BANK1: variants seen among roughly 807,000 people sequenced by gnomAD.
BANK1 encodes the protein B cell scaffold protein with ankyrin repeats 1.
BANK1 carries 95 observed loss-of-function variants against 94.5 expected under a neutral mutation model. That is an observed-to-expected ratio of 1.00 (90% CI 0.85 to 1.19). BANK1 has a LOEUF of 1.19. Ranked by LOEUF, BANK1 falls within the 50% of genes most tolerant of loss-of-function variation. BANK1 has a pLI of 0.00. For missense variants in BANK1, 987 were observed against 932.2 expected, an observed-to-expected ratio of 1.06 and a Z score of -0.77; for synonymous variants, 334 against 308.4, an observed-to-expected ratio of 1.08 and a Z score of -0.87.
At chr4:101,813,080 T>G (rs1007245256) in intron 1 of BANK1, among the ~76,000 whole-genome samples, 6 of 152,146 alleles carry the variant, frequency 3.9e-5, no homozygotes, top group Admixed American at 1.3e-4. Flanking sequence ...ATTGATATTA[T>G]TTTTTATAGT....
intron 11 of BANK1, among the ~76,000 whole-genome samples, chr4:102,050,635 T>A (rs2148959299): frequency 6.6e-6 from 1 of 152,322 alleles, no homozygotes; most frequent in East Asian, 1.9e-4. Flanking sequence ...CCATGCTTCC[T>A]GAAATATTCA....
chr4:101,827,799 C>G (rs1285143839), intron 1 of BANK1, among the ~76,000 whole-genome samples: 1 of 151,844 alleles, frequency 6.6e-6, no homozygotes, highest in Non-Finnish European at 1.5e-5. Flanking sequence ...AAATACTATT[C>G]CACACTTCTA....
intron 6 of BANK1, among the ~76,000 whole-genome samples, chr4:101,914,762 A>G (rs1237664026): frequency 6.6e-6 from 1 of 152,124 alleles, no homozygotes; most frequent in Non-Finnish European, 1.5e-5. Context: ...GAATTTATCT[A>G]ATACATATAT....
At chr4:101,832,912 C>T (rs1726676696) in intron 2 of BANK1, among the ~76,000 whole-genome samples, 1 of 151,578 alleles carries the variant, frequency 6.6e-6, no homozygotes, top group Non-Finnish European at 1.5e-5. Context: ...TCCTTCCCTC[C>T]CTCTCTCCTT....
At chr4:101,820,808 C>G (rs1033664841) in intron 1 of BANK1, among the ~76,000 whole-genome samples, 3 of 152,094 alleles carry the variant, frequency 2.0e-5, no homozygotes, top group East Asian at 1.9e-4. Context: ...TTATCTCATT[C>G]TTTTTTATGG....
At chr4:102,061,970 C>T (rs1728433468) in intron 12 of BANK1, 1 of 152,082 alleles carries the variant, frequency 6.6e-6, no homozygotes, top group Non-Finnish European at 1.5e-5. Context: ...TCAGTCAGTC[C>T]TTAACATAAG....
chr4:102,073,600 T>C lies in BANK1; in HGVS notation c.2299-84T>C, dbSNP rs982852998. 15 of 1,279,292 alleles carry C rather than the reference T, an allele frequency of 1.2e-5. 1 individual carries two copies. Among genetic ancestry groups the C allele is most frequent in the South Asian group, 9.3e-5 (7 of 75,096 alleles). 79.2% of individuals were successfully genotyped at this position (1,279,292 alleles called of 1,614,324 possible). ...TTTTTCCATGGCTGTGAAAGGCAAC[T>C]ATAACTTTGTCATATTTCTTTGTTC... On this transcript the variant is annotated intron_variant, in intron 15 of 16. Transcript: ENST00000322953.
At chr4:101,861,400 G>C (rs915306099) in intron 3 of BANK1, among the ~76,000 whole-genome samples, 1 of 152,010 alleles carries the variant, frequency 6.6e-6, no homozygotes, top group African/African-American at 2.4e-5. Context: ...TTTTATAAGA[G>C]CATATAAATG....
chr4:101,918,831 C>T lies in BANK1; in HGVS notation c.1206+642C>T, dbSNP rs541927724. On this transcript the variant is annotated intron_variant, in intron 7 of 16. Coordinates refer to ENST00000322953, the MANE Select transcript of BANK1 (RefSeq NM_017935.5). The stretch of plus-strand genomic sequence containing the variant: ...GCTTCTGGCTATTTTGGCATTTATT[C>T]TGATTGTCAGATTAAGCCAATCTAA... Among the ~76,000 whole-genome samples, 4 of 151,948 alleles carry T rather than the reference C, an allele frequency of 2.6e-5. No individual in the cohort carries two copies. The East Asian group carries it at 5.8e-4, about 22-fold the overall frequency.
chr4:101,912,524 G>A (rs1380253474), intron 6 of BANK1, among the ~76,000 whole-genome samples: 1 of 149,586 alleles, frequency 6.7e-6, no homozygotes, highest in Non-Finnish European at 1.5e-5. Flanking sequence ...GATAGAGATA[G>A]GTTCATAGAA....
rs148871230 is a variant in BANK1 at position 102,046,833 on chromosome 4, C to A, written c.1969+2926C>A. ...TCATGTATTATGATTTTTTGTCTGA[C>A]AATAAGGCCTTATTCAATGTTCAAA... On this transcript the variant is annotated intron_variant, in intron 11 of 16. Coordinates refer to ENST00000322953, the MANE Select transcript of BANK1 (RefSeq NM_017935.5). Among the ~76,000 whole-genome samples, 336 of 152,114 alleles carry A rather than the reference C, an allele frequency of 2.2e-3. 1 individual carries two copies. The highest frequency in any genetic ancestry group is 3.7e-3 in the Non-Finnish European group (252 of 67,976).
intron 9 of BANK1, among the ~76,000 whole-genome samples, chr4:102,027,824 T>A (rs1257537802): frequency 6.6e-6 from 1 of 152,122 alleles, no homozygotes; most frequent in Non-Finnish European, 1.5e-5. Context: ...AACCCAAGAA[T>A]CCTGGAAAGT....
intron 2 of BANK1, among the ~76,000 whole-genome samples, chr4:101,843,295 A>G (rs1305272350): frequency 6.6e-6 from 1 of 152,058 alleles, no homozygotes; most frequent in African/African-American, 2.4e-5. Flanking sequence ...ATATTCCACT[A>G]TATTAATCTT....
intron 13 of BANK1, among the ~76,000 whole-genome samples, chr4:102,065,402 T>C (rs920637641): frequency 1.3e-5 from 2 of 152,000 alleles, no homozygotes; most frequent in Admixed American, 6.6e-5. Flanking sequence ...AAGAATAAAA[T>C]TAAGTCTATA....
chr4:102,012,791 CT>C (rs1726552894), intron 7 of BANK1, among the ~76,000 whole-genome samples: 1 of 151,776 alleles, frequency 6.6e-6, no homozygotes, highest in Admixed American at 6.6e-5. Flanking sequence ...ATTTGGTTTT[CT>C]TTGACCCGTA....
chr4:101,855,519 GAATTA>G (rs1389395176), intron 3 of BANK1, among the ~76,000 whole-genome samples: 1 of 152,126 alleles, frequency 6.6e-6, no homozygotes, highest in Non-Finnish European at 1.5e-5. Flanking sequence ...GATGATAGTT[GAATTA>G]ATAGGCATTT....
chr4:101,839,657 A>G (rs913957086), intron 2 of BANK1, among the ~76,000 whole-genome samples: 3 of 152,144 alleles, frequency 2.0e-5, no homozygotes, highest in Non-Finnish European at 4.4e-5. Flanking sequence ...TAAATGCTCT[A>G]TCATCCCTTC....
chr4:101,809,517 T>C (rs1350090819), intron 1 of BANK1, among the ~76,000 whole-genome samples: 1 of 152,064 alleles, frequency 6.6e-6, no homozygotes, highest in Non-Finnish European at 1.5e-5. Context: ...AAATAGTGGA[T>C]ACTGTTACAA....
At chr4:101,819,457 G>A (rs1215216278) in intron 1 of BANK1, among the ~76,000 whole-genome samples, 1 of 152,032 alleles carries the variant, frequency 6.6e-6, no homozygotes, top group Non-Finnish European at 1.5e-5. Context: ...GAATTGTTTT[G>A]TTTATAAAGA....
Sources: gnomAD v4.1 joint callset for allele counts (sites outside exome capture counted in the v4.1 genomes callset) on GRCh38, gnomAD v4.1.1 for gene constraint, MANE v1.5 for transcripts, NCBI Gene and HGNC (gene_info 2026-07-23, HGNC 2026-07-21) for gene names.